Variants in SDSL observed in about 807,000 individuals in gnomAD.
SDSL encodes the protein serine dehydratase like, also known as serine dehydratase-like.
A neutral mutation model predicts 27.6 loss-of-function variants in SDSL; 26 were observed. The observed-to-expected ratio is 0.94, with a 90% CI of 0.69 to 1.31. The LOEUF is 1.31. Among genes scored for constraint, SDSL ranks in the 50% most tolerant of loss-of-function variants. The pLI is 0.00. For synonymous variants in SDSL, 196 were observed against 180.6 expected, an observed-to-expected ratio of 1.09 and a Z score of -0.69; for missense variants, 431 against 423.5, an observed-to-expected ratio of 1.02 and a Z score of -0.16.
rs559941326 is a variant in SDSL, at chr12:113,435,231, G to A, written c.444-98G>A. On this transcript the variant is annotated intron_variant, in intron 5 of 7. Coordinates refer to ENST00000403593, the MANE Select transcript of SDSL (RefSeq NM_001304993.2). Reference sequence around the variant, plus strand: ...GGGGAGGGGTTTATGTATATGAGGGGGCAGAGAACCCACCCCTGGTAAATT... The same window carrying A: ...GGGGAGGGGTTTATGTATATGAGGGAGCAGAGAACCCACCCCTGGTAAATT... 1.1e-5 allele frequency: 8 copies of A among 752,864 alleles called. No individual in the cohort carries two copies. In the South Asian group the frequency reaches 1.3e-4, roughly 13 times the overall value. The allele number at this position is 752,864 out of a possible 1,614,324, so 46.6% of individuals were successfully genotyped here.
At chr12:113,431,740 AT>A (rs36029038) in intron 4 of SDSL, among the ~76,000 whole-genome samples, 14,009 of 122,298 alleles carry the variant, frequency 0.11, 742 homozygotes, top group African/African-American at 0.19. Context: ...CACCCAGCTA[AT>A]TTTTTTTTTT....
At chr12:113,431,012 T>G (rs1957915359) in intron 4 of SDSL, among the ~76,000 whole-genome samples, 1 of 152,210 alleles carries the variant, frequency 6.6e-6, no homozygotes, top group Admixed American at 6.5e-5. Context: ...GCCTTAGATT[T>G]GGGGAAAGGA....
Position 113,428,074 on chromosome 12 carries a change from GC to G in SDSL, c.93del (p.Met32CysfsTer84). 6.2e-7 allele frequency: 1 copy of G among 1,613,988 alleles called. No individual in the cohort carries two copies. Among genetic ancestry groups the G allele is most frequent in the Non-Finnish European group, 8.5e-7 (1 of 1,179,974 alleles). On this transcript the variant is annotated frameshift_variant, in exon 2 of 8. Transcript: ENST00000403593. LOFTEE classifies it high-confidence loss of function. ...LESWALSQVA[G>X]MPVFLKCENV... Reference sequence around the variant, plus strand: ...AGCTGGGCGCTGTCCCAGGTGGCGGGCATGCCTGTCTTCCTCAAGTGTGAGA... The same window carrying G: ...AGCTGGGCGCTGTCCCAGGTGGCGGGATGCCTGTCTTCCTCAAGTGTGAGA...
intron 6 of SDSL, 86 bp downstream of exon 6, chr12:113,435,642 G>T (rs775736372): frequency 1.7e-6 from 2 of 1,150,182 alleles, no homozygotes; most frequent in African/African-American, 1.5e-5. Context: ...CGGTGGAGAC[G>T]GGGGCACCCA....
chr12:113,434,655 G>A (rs1186263823), intron 5 of SDSL, among the ~76,000 whole-genome samples: 1 of 152,182 alleles, frequency 6.6e-6, no homozygotes, highest in Non-Finnish European at 1.5e-5. Context: ...GATACAAAGG[G>A]CTGCAGTCAG....
intron 1 of SDSL, among the ~76,000 whole-genome samples, chr12:113,424,184 G>A (rs537181665): frequency 6.6e-6 from 1 of 151,814 alleles, no homozygotes; most frequent in Non-Finnish European, 1.5e-5. Context: ...CACCATGCCC[G>A]GCTAATTTTG....
rs779352244 is a variant in SDSL, at chr12:113,436,749, A to T, written c.672-2A>T. The T allele has an allele frequency of 6.2e-7, 1 of 1,604,712 alleles. No individual in the cohort carries two copies. The highest frequency in any genetic ancestry group is 1.7e-5 in the Admixed American group (1 of 59,644). The stretch of plus-strand genomic sequence containing the variant: ...CCTGCCCCACCCTGCTCTATCCTGC[A>T]GTGTGGCCAAGAGCCTGGGTGCCAA... On this transcript the variant is annotated splice_acceptor_variant, in intron 6 of 7. Coordinates refer to ENST00000403593, the MANE Select transcript of SDSL (RefSeq NM_001304993.2). LOFTEE classifies it high-confidence loss of function.
rs776107112 is a variant in SDSL at position 113,429,300 on chromosome 12, G to A, written c.354+1G>A. The A allele has an allele frequency of 1.1e-5, 17 of 1,607,490 alleles. No homozygotes were observed. The South Asian group carries it at 1.9e-4, about 18-fold the overall frequency. On this transcript the variant is annotated splice_donor_variant, in intron 4 of 7. Coordinates refer to ENST00000403593, the MANE Select transcript of SDSL (RefSeq NM_001304993.2). LOFTEE classifies it high-confidence loss of function. ...GGCCGAGGTTCAGCTGACTGGAAAG[G>A]TAAGGGCTCTGGGAAGGGGAGAACC...
At chr12:113,426,164 C>T (rs12831825) in intron 1 of SDSL, 16,686 of 455,974 alleles carry the variant, frequency 0.037, 385 homozygotes, top group Middle Eastern at 0.093. Context: ...TGCCCCAAAC[C>T]CCTTCTGTCT....
intron 7 of SDSL, 147 bp downstream of exon 7, chr12:113,437,022 G>A: frequency 1.4e-6 from 1 of 716,722 alleles, no homozygotes; most frequent in Non-Finnish European, 2.1e-6. Flanking sequence ...ACGTCGAGTA[G>A]ATGGAAGGGG....
At chr12:113,424,886 C>T (rs1032015777) in intron 1 of SDSL, among the ~76,000 whole-genome samples, 1 of 152,098 alleles carries the variant, frequency 6.6e-6, no homozygotes, top group Non-Finnish European at 1.5e-5. Flanking sequence ...CAGGTGTGCA[C>T]CACCACACCC....
Position 113,434,139 on chromosome 12 carries a change from G to GGA in SDSL, c.361_362dup (p.Asp121GlufsTer6), listed in dbSNP as rs1396285403. 1 of 1,613,566 alleles carries GGA rather than the reference G, an allele frequency of 6.2e-7. No individual in the cohort carries two copies. The highest frequency in any genetic ancestry group is 8.5e-7 in the Non-Finnish European group (1 of 1,179,740). ...GGCCCTTGGTTTCTCTGTAGGTCTGGGACGAGGCCAATCTGAGGGCGCAAG... is the reference window on the plus strand; with the variant it reads ...GGCCCTTGGTTTCTCTGTAGGTCTGGGAGACGAGGCCAATCTGAGGGCGCAAG... On this transcript the variant is annotated frameshift_variant, in exon 5 of 8. Coordinates refer to ENST00000403593, the MANE Select transcript of SDSL (RefSeq NM_001304993.2). LOFTEE classifies it high-confidence loss of function.
At chr12:113,427,564 A>T (rs1322921927) in intron 1 of SDSL, among the ~76,000 whole-genome samples, 1 of 152,228 alleles carries the variant, frequency 6.6e-6, no homozygotes, top group Non-Finnish European at 1.5e-5. Context: ...CTCCTATTTG[A>T]AATTCTGTGA....
At position 113,434,143 on chromosome 12, in the gene SDSL, G is replaced by C; in HGVS notation, c.364G>C (p.Glu122Gln). ...CTTGGTTTCTCTGTAGGTCTGGGAC[G>C]AGGCCAATCTGAGGGCGCAAGAGTT... The part of the protein sequence containing the change: ...EVQLTGKVWD[E>Q]ANLRAQELAK... The change falls in exon 5 of 8, where the codon GAG becomes CAG. Residue 122 changes from glutamate to glutamine, a missense_variant. Transcript: ENST00000403593. The C allele has an allele frequency of 6.2e-7, 1 of 1,613,608 alleles. No individual in the cohort carries two copies. The highest frequency in any genetic ancestry group is 8.5e-7 in the Non-Finnish European group (1 of 1,179,742).
In SDSL at chr12:113,437,950, CCT is replaced by C; in HGVS notation, c.862_863del (p.Leu288AlafsTer63). 1.2e-6 allele frequency: 2 copies of C among 1,614,132 alleles called. No homozygotes were observed. Among genetic ancestry groups the C allele is most frequent in the Non-Finnish European group, 1.7e-6 (2 of 1,179,974 alleles). On this transcript the variant is annotated frameshift_variant, in exon 8 of 8. Coordinates refer to ENST00000403593, the MANE Select transcript of SDSL (RefSeq NM_001304993.2). LOFTEE classifies it low-confidence loss of function (END_TRUNC). ...AALAAIYSGLLRRLQAEGCLP... is the reference protein window; with the variant it reads ...AALAAIYSGLXRRLQAEGCLP... ...CCTTAGCAGCCATCTACTCAGGCCT[CCT>C]GCGGAGGCTCCAGGCCGAGGGCTGC...
rs375123558 is a variant in SDSL, at chr12:113,438,086, C to T, written c.*7C>T. The T allele has an allele frequency of 6.2e-7, 1 of 1,609,008 alleles. No homozygotes were observed. Among genetic ancestry groups the T allele is most frequent in the Non-Finnish European group, 8.5e-7 (1 of 1,177,616 alleles). The stretch of plus-strand genomic sequence containing the variant: ...CCACCTGGGCCAGGTCTGAGGGGTC[C>T]CATCCTGGCCCCAAAGACCCCTGAG... On this transcript the variant is annotated 3_prime_UTR_variant, in exon 8 of 8. Transcript: ENST00000403593.
intron 4 of SDSL, 119 bp downstream of exon 4, chr12:113,429,418 C>T (rs1957892467): frequency 8.8e-7 from 1 of 1,136,472 alleles, no homozygotes; most frequent in Non-Finnish European, 1.2e-6. Context: ...ACCCAGTCCT[C>T]TCTCAGGATA....
intron 6 of SDSL, 61 bp from the exon 7 acceptor site, chr12:113,436,690 T>G: frequency 6.8e-7 from 1 of 1,479,244 alleles, no homozygotes; most frequent in Non-Finnish European, 8.9e-7. Context: ...GGGAGAGACC[T>G]GTTTCACCAG....
intron 7 of SDSL, among the ~76,000 whole-genome samples, chr12:113,437,345 T>G (rs1403194198): frequency 6.6e-6 from 1 of 152,232 alleles, no homozygotes; most frequent in Non-Finnish European, 1.5e-5. Flanking sequence ...GCATAGGGCA[T>G]GGCAGGTAGT....
Sources: gnomAD v4.1 joint callset for allele counts (sites outside exome capture counted in the v4.1 genomes callset) on GRCh38, gnomAD v4.1.1 for gene constraint, MANE v1.5 for transcripts, NCBI Gene and HGNC (gene_info 2026-07-23, HGNC 2026-07-21) for gene names.